Variants in CAMTA1 observed in about 807,000 individuals in gnomAD.
CAMTA1 encodes calmodulin-binding transcription activator 1.
In CAMTA1, 27 loss-of-function variants were observed where a neutral mutation model predicts 170.9. The observed-to-expected ratio is 0.16, with a 90% CI of 0.12 to 0.22. The LOEUF is 0.22. Among genes scored for constraint, CAMTA1 ranks in the 10% least tolerant of loss-of-function variants. CAMTA1 has a pLI of 1.00. For missense variants in CAMTA1, 1,619 were observed against 2,217.2 expected, an observed-to-expected ratio of 0.73 and a Z score of 5.42; for synonymous variants, 833 against 891.5, an observed-to-expected ratio of 0.93 and a Z score of 1.17.
chr1:7,359,407 C>A (rs1304865420), intron 5 of CAMTA1, among the ~76,000 whole-genome samples: 1 of 152,182 alleles, frequency 6.6e-6, no homozygotes, highest in Non-Finnish European at 1.5e-5. Context: ...CCCCTCCCCA[C>A]CCCCTGGTTT....
intron 6 of CAMTA1, among the ~76,000 whole-genome samples, chr1:7,510,904 C>T (rs1434417453): frequency 6.9e-6 from 1 of 144,742 alleles, no homozygotes; most frequent in Admixed American, 6.9e-5. Context: ...CCTTTGCCAG[C>T]GTGACCCTGC....
intron 6 of CAMTA1, among the ~76,000 whole-genome samples, chr1:7,586,878 C>T (rs2095314494): frequency 6.6e-6 from 1 of 151,962 alleles, no homozygotes; most frequent in African/African-American, 2.4e-5. Flanking sequence ...GGCAGAGAAG[C>T]ACAATAGCAG....
At chr1:7,480,324 T>A (rs12757290) in intron 6 of CAMTA1, among the ~76,000 whole-genome samples, 14,254 of 149,822 alleles carry the variant, frequency 0.095, 1,066 homozygotes, top group East Asian at 0.42. Flanking sequence ...AGTGTGTGTG[T>A]GTATGAGTGC....
intron 5 of CAMTA1, among the ~76,000 whole-genome samples, chr1:7,459,075 G>A (rs866610708): frequency 1.3e-5 from 2 of 152,204 alleles, no homozygotes; most frequent in Admixed American, 6.5e-5. Context: ...TGATGAAGGC[G>A]GGTCCCAAAG....
At chr1:7,737,162 A>C (rs1212622344) in intron 14 of CAMTA1, 93 bp from the exon 15 acceptor site, 10 of 1,406,924 alleles carry the variant, frequency 7.1e-6, no homozygotes, top group Non-Finnish European at 9.9e-6. Flanking sequence ...GATTGCCAGC[A>C]AGGACCAGTT....
At chr1:6,858,853 A>G (rs1663516028) in intron 3 of CAMTA1, among the ~76,000 whole-genome samples, 1 of 152,206 alleles carries the variant, frequency 6.6e-6, no homozygotes, top group African/African-American at 2.4e-5. Flanking sequence ...TTGTCTAAAA[A>G]AATAATATGG....
At chr1:6,972,415 C>CT (rs942937781) in intron 3 of CAMTA1, among the ~76,000 whole-genome samples, 13 of 151,980 alleles carry the variant, frequency 8.6e-5, no homozygotes, top group African/African-American at 2.9e-4. Context: ...ATTTTTACTT[C>CT]TTTTTTTTGC....
At chr1:7,586,230 G>T (rs886706971) in intron 6 of CAMTA1, among the ~76,000 whole-genome samples, 1 of 152,096 alleles carries the variant, frequency 6.6e-6, no homozygotes, top group African/African-American at 2.4e-5. Flanking sequence ...AGGGCCCAGC[G>T]GTGGGGATCC....
At chr1:6,807,142 C>A in intron 1 of CAMTA1, 2 of 482,636 alleles carry the variant, frequency 4.1e-6, no homozygotes, top group Non-Finnish European at 7.6e-6. Context: ...TTGGGGGAGG[C>A]TTCTTGAGAG....
chr1:6,942,390 G>A (rs1686800169), intron 3 of CAMTA1, among the ~76,000 whole-genome samples: 1 of 152,078 alleles, frequency 6.6e-6, no homozygotes, highest in African/African-American at 2.4e-5. Flanking sequence ...TTGGTACTGT[G>A]GCTCATGCTA....
At chr1:7,117,346 C>G (rs1644394662) in intron 4 of CAMTA1, among the ~76,000 whole-genome samples, 1 of 152,150 alleles carries the variant, frequency 6.6e-6, no homozygotes, top group Non-Finnish European at 1.5e-5. Context: ...ACAGCCAGCA[C>G]AGCACGTTTG....
chr1:7,244,679 G>A (rs1362524448), intron 4 of CAMTA1, among the ~76,000 whole-genome samples: 1 of 152,042 alleles, frequency 6.6e-6, no homozygotes, highest in Non-Finnish European at 1.5e-5. Context: ...CTCATAGGTG[G>A]GAACTGAACA....
intron 5 of CAMTA1, among the ~76,000 whole-genome samples, chr1:7,294,017 C>T (rs190878612): frequency 6.6e-6 from 1 of 152,332 alleles, no homozygotes. Context: ...GTGTCCAAAG[C>T]CCAGAATAAT....
At chr1:7,297,442 A>T (rs923933767) in intron 5 of CAMTA1, among the ~76,000 whole-genome samples, 3 of 152,226 alleles carry the variant, frequency 2.0e-5, no homozygotes, top group African/African-American at 7.2e-5. Context: ...CAAGGTACTC[A>T]GCAAGGGTTC....
intron 6 of CAMTA1, among the ~76,000 whole-genome samples, chr1:7,594,417 C>T (rs1165499856): frequency 6.6e-6 from 1 of 152,182 alleles, no homozygotes; most frequent in Non-Finnish European, 1.5e-5. Flanking sequence ...CAAAGGGACC[C>T]GCAAGCCCTG....
At position 7,677,665 on chromosome 1, in the gene CAMTA1, T is replaced by C. The variant is rs1452392703; in HGVS notation, c.2846T>C (p.Val949Ala). Residue 949 changes from valine (V) to alanine (A), a missense_variant, in exon 11 of 23, where the codon GTG becomes GCG. By Grantham distance (64) the Val-to-Ala change is moderately conservative (BLOSUM62 0). Coordinates refer to ENST00000303635, the MANE Select transcript of CAMTA1 (RefSeq NM_015215.4). ...FNNQIISNSV[V>A]FEYKARALPT... ...AACCAGATCATCTCCAACTCGGTGG[T>C]GTTTGAGTACAAAGCCCGGGCTCTG... 1 of 1,614,028 alleles carries C rather than the reference T, an allele frequency of 6.2e-7. No homozygotes were observed. Among genetic ancestry groups the C allele is most frequent in the Non-Finnish European group, 8.5e-7 (1 of 1,180,004 alleles).
rs764365511 is a variant in CAMTA1, at chr1:7,583,367, A to G, written c.511-57033A>G. On this transcript the variant is annotated intron_variant, in intron 6 of 22. Transcript: ENST00000303635. ...AAGGCAGCCTGAGGATGCCGGACAC[A>G]CTGTGGGCTGCAGGGTACTCTGAGC... Among the ~76,000 whole-genome samples the G allele has an allele frequency of 5.0e-4, 76 of 152,242 alleles. 1 individual carries two copies. The highest frequency in any genetic ancestry group is 1.9e-3 in the South Asian group (9 of 4,818).
rs1708885770 is a variant in CAMTA1 at position 7,065,825 on chromosome 1, C to A, written c.235-25479C>A. On this transcript the variant is annotated intron_variant, in intron 3 of 22. Coordinates refer to ENST00000303635, the MANE Select transcript of CAMTA1 (RefSeq NM_015215.4). This position sits in a 1 kb window ranked among gnomAD's most constrained non-coding sequence, Gnocchi z 5.2. ...TTTTCTTCTGTCAAAGAGCAAGTGG[C>A]CTTTAAGGCATGTTTATCTATTCCC... 6.6e-6 allele frequency among the ~76,000 whole-genome samples: 1 copy of A among 152,096 alleles called. No homozygotes were observed. Among genetic ancestry groups the A allele is most frequent in the African/African-American group, 2.4e-5 (1 of 41,402 alleles).
intron 7 of CAMTA1, among the ~76,000 whole-genome samples, chr1:7,648,672 C>T (rs533106407): frequency 4.7e-4 from 72 of 152,282 alleles, no homozygotes; most frequent in Middle Eastern, 3.4e-3. Flanking sequence ...CAGAGGGAGC[C>T]GAGCCGGCTG....
Sources: allele counts gnomAD v4.1 joint callset (sites outside exome capture counted in the v4.1 genomes callset), GRCh38; gene constraint gnomAD v4.1.1; non-coding constraint Gnocchi (gnomAD v3.1); transcripts MANE v1.5; gene names NCBI Gene and HGNC (gene_info 2026-07-23, HGNC 2026-07-21).